ZNF791: variants seen among roughly 807,000 people sequenced by gnomAD.
ZNF791 encodes the protein zinc finger protein 791.
In ZNF791, 4 loss-of-function variants were observed where a neutral mutation model predicts 11.5. The observed-to-expected ratio is 0.35, with a 90% CI of 0.17 to 0.80. The LOEUF (loss-of-function observed/expected upper bound fraction) is 0.80. ZNF791 is among the 30% of genes least tolerant of loss of function. The pLI, the probability that ZNF791 is intolerant of heterozygous loss-of-function variation, is 0.53. For missense variants in ZNF791, 559 were observed against 699.4 expected (o/e 0.80, Z 2.26); for synonymous variants, 212 against 228.1 (o/e 0.93, Z 0.64).
Position 12,632,234 on chromosome 19 carries a change from A to G in ZNF791, c.*2974A>G, listed in dbSNP as rs2023510636. The G allele has an allele frequency of 6.6e-6, 1 of 151,734 alleles. No individual in the cohort carries two copies. Among genetic ancestry groups the G allele is most frequent in the Non-Finnish European group, 1.5e-5 (1 of 67,982 alleles). The allele number at this position is 151,734 out of a possible 1,614,324, so 9.4% of individuals were successfully genotyped here. On this transcript the variant is annotated 3_prime_UTR_variant, in exon 4 of 4. Coordinates refer to ENST00000343325, the MANE Select transcript of ZNF791 (RefSeq NM_153358.3). ...CGCCTCAGCCTCCCAAAGTGCTGGG[A>G]TTACAAGCTTGAGCCACCGCACCCG...
intron 1 of ZNF791, among the ~76,000 whole-genome samples, chr19:12,613,067 C>T (rs559536259): frequency 3.3e-5 from 5 of 151,996 alleles, no homozygotes; most frequent in Admixed American, 2.6e-4. Flanking sequence ...CAGCCATTCT[C>T]CTGCCTTAGC....
chr19:12,624,400 G>A (rs1252156245), intron 2 of ZNF791, among the ~76,000 whole-genome samples: 5 of 151,708 alleles, frequency 3.3e-5, no homozygotes, highest in African/African-American at 1.2e-4. Context: ...TGATCCACCC[G>A]CCTCAGCCTC....
chr19:12,624,687 C>G lies in ZNF791; in HGVS notation c.168C>G (p.His56Gln), dbSNP rs771241573. 1.0e-5 allele frequency: 16 copies of G among 1,607,866 alleles called. No individual in the cohort carries two copies. The highest frequency in any genetic ancestry group is 1.4e-5 in the Non-Finnish European group (16 of 1,176,704). The change falls in exon 3 of 4, where the codon CAC (histidine) becomes CAG (glutamine). Residue 56 changes from histidine to glutamine, a missense_variant. His to Gln is a conservative substitution (Grantham distance 24, BLOSUM62 0). Transcript: ENST00000343325. ...AAGACCCGAATGTTGAAGATCAACACAAAAACCAAGGACGAAATCTAAGGT... is the reference window on the plus strand; with the variant it reads ...AAGACCCGAATGTTGAAGATCAACAGAAAAACCAAGGACGAAATCTAAGGT... ...KWEDPNVEDQ[H>Q]KNQGRNLRSH...
At chr19:12,626,814 C>T (rs1366091530) in intron 3 of ZNF791, among the ~76,000 whole-genome samples, 4 of 151,306 alleles carry the variant, frequency 2.6e-5, no homozygotes, top group Non-Finnish European at 4.4e-5. Flanking sequence ...ACCCTGTTAG[C>T]CAGGGTGGTC....
intron 2 of ZNF791, 50 bp downstream of exon 2, chr19:12,623,876 G>GGA: frequency 1.2e-6 from 1 of 833,966 alleles, no homozygotes; most frequent in Non-Finnish European, 1.8e-6. Context: ...TTTTTGGGGG[G>GGA]GGACAGAGTT....
chr19:12,610,934 T>G lies in ZNF791; in HGVS notation c.-146T>G. The G allele has an allele frequency of 8.7e-7, 1 of 1,145,116 alleles. No individual in the cohort carries two copies. The highest frequency in any genetic ancestry group is 1.3e-6 in the Non-Finnish European group (1 of 767,218). The allele number at this position is 1,145,116 out of a possible 1,614,324, so 70.9% of individuals were successfully genotyped here. ...CTACGCTGCGCAAATGCGTGCTACG[T>G]CACTGTGCGATCGGGTTGTGCTTAG... is the stretch of plus-strand genomic sequence containing the variant. On this transcript the variant is annotated 5_prime_UTR_variant, in exon 1 of 4. Transcript: ENST00000343325.
intron 1 of ZNF791, among the ~76,000 whole-genome samples, chr19:12,620,171 G>A (rs2023317605): frequency 6.6e-6 from 1 of 151,896 alleles, no homozygotes; most frequent in African/African-American, 2.4e-5. Flanking sequence ...CCAAAGTGCT[G>A]GGATTACAGG....
At chr19:12,613,070 G>A (rs1202057593) in intron 1 of ZNF791, among the ~76,000 whole-genome samples, 1 of 151,932 alleles carries the variant, frequency 6.6e-6, no homozygotes, top group Non-Finnish European at 1.5e-5. Context: ...CCATTCTCCT[G>A]CCTTAGCCTC....
chr19:12,622,594 G>A (rs2145188575), intron 1 of ZNF791, among the ~76,000 whole-genome samples: 1 of 151,562 alleles, frequency 6.6e-6, no homozygotes, highest in South Asian at 2.1e-4. Context: ...GGTCAACCTG[G>A]ACAATATAAC....
At chr19:12,622,965 C>G (rs1301179109) in intron 1 of ZNF791, among the ~76,000 whole-genome samples, 1 of 150,864 alleles carries the variant, frequency 6.6e-6, no homozygotes, top group African/African-American at 2.4e-5. Context: ...GTAGTCCTAA[C>G]TACTCGTGAA....
chr19:12,629,035 G>A lies in ZNF791; in HGVS notation c.1506G>A (p.Gly502=). 6.2e-7 allele frequency: 1 copy of A among 1,613,028 alleles called. No individual in the cohort carries two copies. Among genetic ancestry groups the A allele is most frequent in the Non-Finnish European group, 8.5e-7 (1 of 1,179,668 alleles). ...GEKPYECKEC[G]KAFIYPTSFQ... The stretch of plus-strand genomic sequence containing the variant: ...AACCTTATGAATGTAAGGAATGCGG[G>A]AAGGCCTTTATTTATCCCACAAGCT... The change falls in exon 4 of 4, where the codon GGG becomes GGA. Residue 502 remains glycine (G), a synonymous_variant. Coordinates refer to ENST00000343325, the MANE Select transcript of ZNF791 (RefSeq NM_153358.3).
chr19:12,621,455 G>A (rs1219374450), intron 1 of ZNF791, among the ~76,000 whole-genome samples: 2 of 105,672 alleles, frequency 1.9e-5, no homozygotes, highest in Non-Finnish European at 2.7e-5. Context: ...ACAGCCGGGC[G>A]TGGTCGCTCA....
chr19:12,623,870 TGGGG>T, intron 2 of ZNF791, 44 bp downstream of exon 2: 1 of 712,926 alleles, frequency 1.4e-6, no homozygotes, highest in Non-Finnish European at 2.0e-6. Context: ...TTTTTTTTTT[TGGGG>T]GGGGACAGAG....
At chr19:12,615,639 T>C (rs7245495) in intron 1 of ZNF791, among the ~76,000 whole-genome samples, 99,271 of 151,468 alleles carry the variant, frequency 0.66, 33,501 homozygotes, top group African/African-American at 0.73. Context: ...ATTAGCTGGG[T>C]GTGGTGGCGC....
chr19:12,627,269 T>A (rs2023444070), intron 3 of ZNF791, among the ~76,000 whole-genome samples: 1 of 152,012 alleles, frequency 6.6e-6, no homozygotes, highest in Admixed American at 6.6e-5. Flanking sequence ...TGCAGAACAT[T>A]GAGTATATTC....
chr19:12,615,976 A>G (rs529615697), intron 1 of ZNF791, among the ~76,000 whole-genome samples: 2 of 152,256 alleles, frequency 1.3e-5, no homozygotes, highest in South Asian at 2.1e-4. Flanking sequence ...GTCCACTGGT[A>G]AGAGGACGTT....
intron 1 of ZNF791, chr19:12,623,480 T>G: frequency 5.9e-6 from 3 of 509,250 alleles, no homozygotes; most frequent in Non-Finnish European, 1.0e-5. Context: ...TTTTCTAAGT[T>G]GAACTAGATA....
chr19:12,622,167 G>A (rs1156439123), intron 1 of ZNF791, among the ~76,000 whole-genome samples: 1 of 132,502 alleles, frequency 7.5e-6, no homozygotes, highest in East Asian at 2.0e-4. Context: ...TGCTCGTTAA[G>A]AGTCATCACC....
At chr19:12,616,062 CTTG>C (rs1231712747) in intron 1 of ZNF791, among the ~76,000 whole-genome samples, 1 of 152,138 alleles carries the variant, frequency 6.6e-6, no homozygotes, top group African/African-American at 2.4e-5. Flanking sequence ...AATGAGAATT[CTTG>C]TTGTCTACAT....
Sources: gnomAD v4.1 joint callset for allele counts (sites outside exome capture counted in the v4.1 genomes callset) on GRCh38, gnomAD v4.1.1 for gene constraint, MANE v1.5 for transcripts, NCBI Gene and HGNC (gene_info 2026-07-23, HGNC 2026-07-21) for gene names.